AGBL4: variants seen among roughly 807,000 people sequenced by gnomAD.
The protein encoded by AGBL4 is AGBL carboxypeptidase 4.
In AGBL4, 58 loss-of-function variants were observed where a neutral mutation model predicts 66.4. That is an observed-to-expected ratio of 0.87 (90% CI 0.71 to 1.09). The LOEUF (loss-of-function observed/expected upper bound fraction) is 1.09, where lower values mean the gene tolerates loss of function less well. AGBL4 is among the 50% of genes least tolerant of loss of function. The probability of loss-of-function intolerance (pLI) is 0.00; values close to 1 mark genes in which losing one functional copy is unlikely to be tolerated. For synonymous variants in AGBL4, 234 were observed against 222.9 expected (o/e 1.05, Z -0.44); for missense variants, 579 against 631.0 (o/e 0.92, Z 0.88).
At chr1:50,003,625 T>C (rs957925886) in intron 1 of AGBL4, among the ~76,000 whole-genome samples, 1 of 152,192 alleles carries the variant, frequency 6.6e-6, no homozygotes, top group Non-Finnish European at 1.5e-5. Flanking sequence ...AGAATTCTAT[T>C]GGCCTGCCAG....
chr1:49,829,993 C>T (rs1207292696), intron 2 of AGBL4, among the ~76,000 whole-genome samples: 1 of 152,178 alleles, frequency 6.6e-6, no homozygotes, highest in Non-Finnish European at 1.5e-5. Flanking sequence ...TATATGTGCA[C>T]ATTTTCTTTA....
At chr1:49,373,550 G>A (rs1045529735) in intron 3 of AGBL4, among the ~76,000 whole-genome samples, 3 of 152,048 alleles carry the variant, frequency 2.0e-5, no homozygotes, top group Non-Finnish European at 1.5e-5. Context: ...AGGTAAATAG[G>A]TTAACATAGA....
chr1:48,703,976 G>A (rs918452376), intron 6 of AGBL4, among the ~76,000 whole-genome samples: 4 of 152,188 alleles, frequency 2.6e-5, no homozygotes, highest in African/African-American at 4.8e-5. Flanking sequence ...AGCACAGAGT[G>A]TACTTACACA....
At chr1:48,830,595 A>G (rs1029663911) in intron 6 of AGBL4, among the ~76,000 whole-genome samples, 4 of 152,244 alleles carry the variant, frequency 2.6e-5, no homozygotes, top group Non-Finnish European at 5.9e-5. Flanking sequence ...TAGATGCTCA[A>G]TTAGATACTG....
chr1:49,248,116 A>G (rs1651786722), intron 3 of AGBL4, among the ~76,000 whole-genome samples: 1 of 152,206 alleles, frequency 6.6e-6, no homozygotes, highest in Non-Finnish European at 1.5e-5. Flanking sequence ...CAGCGCAGGA[A>G]ACCCTGAATT....
intron 11 of AGBL4, among the ~76,000 whole-genome samples, chr1:48,546,781 G>A (rs1644167600): frequency 6.6e-6 from 1 of 150,886 alleles, no homozygotes; most frequent in Admixed American, 6.6e-5. Context: ...GTATACTATG[G>A]TTAAAAACAA....
chr1:48,721,690 G>A (rs1647152741), intron 6 of AGBL4, among the ~76,000 whole-genome samples: 1 of 152,168 alleles, frequency 6.6e-6, no homozygotes, highest in African/African-American at 2.4e-5. Flanking sequence ...CTGACACTAG[G>A]CAGTGGCCAA....
intron 8 of AGBL4, among the ~76,000 whole-genome samples, chr1:48,639,965 G>C (rs901415665): frequency 6.6e-6 from 1 of 152,206 alleles, no homozygotes; most frequent in Non-Finnish European, 1.5e-5. Flanking sequence ...ATGGCCTCCA[G>C]ATGCCAGGCT....
chr1:49,821,668 A>C (rs1227308709), intron 2 of AGBL4, among the ~76,000 whole-genome samples: 1 of 152,194 alleles, frequency 6.6e-6, no homozygotes, highest in Non-Finnish European at 1.5e-5. Context: ...GTATGTTTTA[A>C]CTTTCTTTTC....
At chr1:48,870,799 C>T (rs867024504) in intron 5 of AGBL4, among the ~76,000 whole-genome samples, 2 of 152,286 alleles carry the variant, frequency 1.3e-5, no homozygotes, top group African/African-American at 4.8e-5. Context: ...GTGTGCACCA[C>T]CTAGTGGCAC....
intron 2 of AGBL4, among the ~76,000 whole-genome samples, chr1:49,819,372 T>C (rs963334407): frequency 6.6e-6 from 1 of 152,326 alleles, no homozygotes; most frequent in South Asian, 2.1e-4. Flanking sequence ...TTATAGTATA[T>C]TAGCAACTTA....
chr1:49,022,712 G>A (rs1354542562), intron 5 of AGBL4, among the ~76,000 whole-genome samples: 2 of 152,190 alleles, frequency 1.3e-5, no homozygotes, highest in African/African-American at 4.8e-5. Flanking sequence ...AAATAGATGG[G>A]TCCATCTGGA....
At chr1:49,637,262 T>C (rs1366767955) in intron 3 of AGBL4, among the ~76,000 whole-genome samples, 1 of 152,194 alleles carries the variant, frequency 6.6e-6, no homozygotes, top group Non-Finnish European at 1.5e-5. Context: ...CCCTGACTAA[T>C]ACAGCAGATA....
At chr1:49,301,468 T>C (rs1302681677) in intron 3 of AGBL4, among the ~76,000 whole-genome samples, 1 of 152,220 alleles carries the variant, frequency 6.6e-6, no homozygotes, top group Non-Finnish European at 1.5e-5. Context: ...AAAGCAAGTA[T>C]GCTAATAGTC....
rs1012724194 is a variant in AGBL4, at chr1:49,463,883, C to A, written c.283-218019G>T. 2.6e-5 allele frequency among the ~76,000 whole-genome samples: 4 copies of A among 151,764 alleles called. 1 individual carries two copies. The highest frequency in any genetic ancestry group is 2.6e-4 in the Admixed American group (4 of 15,214). The stretch of plus-strand genomic sequence containing the variant: ...TTCATTTGTTCATGCGTTCATTCAT[C>A]CTATTCTGTGCTGAGCCTAAGCTAA... On this transcript the variant is annotated intron_variant, in intron 3 of 13. Coordinates refer to ENST00000371839, the MANE Select transcript of AGBL4 (RefSeq NM_032785.4).
At chr1:49,907,398 G>A (rs1258745611) in intron 1 of AGBL4, among the ~76,000 whole-genome samples, 1 of 152,094 alleles carries the variant, frequency 6.6e-6, no homozygotes, top group Non-Finnish European at 1.5e-5. Flanking sequence ...TTTTCCCACA[G>A]TTATTCCTTT....
intron 1 of AGBL4, among the ~76,000 whole-genome samples, chr1:49,999,661 T>C (rs560569117): frequency 6.6e-6 from 1 of 152,122 alleles, no homozygotes; most frequent in Admixed American, 6.6e-5. Flanking sequence ...TGGAGGTATC[T>C]TAGTACCCAA....
chr1:48,768,248 G>A (rs1379121506), intron 6 of AGBL4, among the ~76,000 whole-genome samples: 3 of 152,076 alleles, frequency 2.0e-5, no homozygotes, highest in African/African-American at 7.2e-5. Flanking sequence ...CACCCTAAGA[G>A]AATACTGTGA....
intron 2 of AGBL4, among the ~76,000 whole-genome samples, chr1:49,750,915 T>C (rs1287013692): frequency 1.3e-5 from 2 of 152,248 alleles, no homozygotes; most frequent in African/African-American, 2.4e-5. Context: ...ATACAAATGA[T>C]GCGATTTTTG....
Sources: allele counts gnomAD v4.1 joint callset (sites outside exome capture counted in the v4.1 genomes callset), GRCh38; gene constraint gnomAD v4.1.1; transcripts MANE v1.5; gene names NCBI Gene and HGNC (gene_info 2026-07-23, HGNC 2026-07-21).